Variants in CGNL1 observed in about 807,000 individuals in gnomAD.
The protein encoded by CGNL1 is cingulin like 1.
A neutral mutation model predicts 141.2 loss-of-function variants in CGNL1; 132 were observed. That is an observed-to-expected ratio of 0.93 (90% CI 0.81 to 1.08). CGNL1 has a LOEUF of 1.08. Among genes scored for constraint, CGNL1 ranks in the 50% least tolerant of loss-of-function variants. The probability of loss-of-function intolerance (pLI) is 0.00; values close to 1 mark genes in which losing one functional copy is unlikely to be tolerated. For missense variants in CGNL1, 1,870 were observed against 1,588.6 expected (o/e 1.18, Z -3.01); for synonymous variants, 690 against 622.1 (o/e 1.11, Z -1.63).
chr15:57,527,996 T>C (rs559134672), intron 12 of CGNL1, among the ~76,000 whole-genome samples: 1 of 152,374 alleles, frequency 6.6e-6, no homozygotes, highest in African/African-American at 2.4e-5. Flanking sequence ...CGGTGGCTCA[T>C]GCCTGCAATC....
chr15:57,417,993 G>C (rs1383176245), intron 1 of CGNL1, among the ~76,000 whole-genome samples: 1 of 152,112 alleles, frequency 6.6e-6, no homozygotes, highest in Non-Finnish European at 1.5e-5. Flanking sequence ...GGTGGAGGTG[G>C]CTTGAGCCTT....
intron 1 of CGNL1, among the ~76,000 whole-genome samples, chr15:57,419,283 G>A (rs143175492): frequency 2.3e-3 from 346 of 152,230 alleles, no homozygotes; most frequent in African/African-American, 8.0e-3. Flanking sequence ...AATAGCTTTA[G>A]ACTGATAAGG....
chr15:57,545,173 C>T (rs1168246491), intron 16 of CGNL1, among the ~76,000 whole-genome samples: 1 of 152,240 alleles, frequency 6.6e-6, no homozygotes, highest in Non-Finnish European at 1.5e-5. Context: ...TTCTGACTCA[C>T]AGCCCCTCAC....
intron 1 of CGNL1, among the ~76,000 whole-genome samples, chr15:57,377,983 AT>A (rs2152207649): frequency 6.6e-6 from 1 of 152,298 alleles, no homozygotes; most frequent in East Asian, 1.9e-4. Context: ...TTTGTGGTTG[AT>A]ATTTGTGTTA....
In CGNL1 at chr15:57,439,385, C is replaced by G; in HGVS notation, c.1386C>G (p.Pro462=). The G allele has an allele frequency of 6.2e-7, 1 of 1,614,190 alleles. No individual in the cohort carries two copies. The highest frequency in any genetic ancestry group is 8.5e-7 in the Non-Finnish European group (1 of 1,180,034). ...CTTCATGTGCCCACTCCAGGCCTCC[C>G]CAGCCGAACATAGATGGGAAAGTTC... The part of the protein sequence containing the change: ...HGASCAHSRP[P]QPNIDGKVLE... The change falls in exon 2 of 19, where the codon CCC becomes CCG. Residue 462 remains proline, a synonymous_variant. Coordinates refer to ENST00000281282, the MANE Select transcript of CGNL1 (RefSeq NM_032866.5).
rs147580043 is a variant in CGNL1 at position 57,392,648 on chromosome 15, C to A, written c.-16+16081C>A. Among the ~76,000 whole-genome samples the A allele has an allele frequency of 4.0e-3, 614 of 152,326 alleles. 2 individuals are homozygous for A. The highest frequency in any genetic ancestry group is 0.014 in the African/African-American group (587 of 41,572). ...CAGTGTAAGTATGAGACCTTCTGTT[C>A]ATCATCTGTCTCCTACTGAAGGCTA... On this transcript the variant is annotated intron_variant, in intron 1 of 18. Coordinates refer to ENST00000281282, the MANE Select transcript of CGNL1 (RefSeq NM_032866.5).
intron 8 of CGNL1, among the ~76,000 whole-genome samples, chr15:57,501,201 G>A (rs1310726669): frequency 1.3e-5 from 2 of 152,190 alleles, no homozygotes; most frequent in Non-Finnish European, 2.9e-5. Context: ...TCAGCCTGTG[G>A]GCTCTCAACT....
chr15:57,420,732 T>A (rs1160957192), intron 1 of CGNL1, among the ~76,000 whole-genome samples: 12 of 152,254 alleles, frequency 7.9e-5, no homozygotes, highest in Admixed American at 7.9e-4. Context: ...ATATAATTTT[T>A]AATGCAGTTA....
chr15:57,515,370 T>A (rs1169333230), intron 8 of CGNL1, among the ~76,000 whole-genome samples: 1 of 152,230 alleles, frequency 6.6e-6, no homozygotes, highest in Non-Finnish European at 1.5e-5. Context: ...TTCAGGATAA[T>A]AAGCTTACTG....
chr15:57,453,562 G>A (rs1465625474), intron 6 of CGNL1, 121 bp from the exon 7 acceptor site: 2 of 1,301,990 alleles, frequency 1.5e-6, no homozygotes, highest in Non-Finnish European at 2.1e-6. Context: ...GCAGAACAGA[G>A]AATGGGGAGG....
intron 1 of CGNL1, among the ~76,000 whole-genome samples, chr15:57,417,691 C>A (rs2062864782): frequency 6.6e-6 from 1 of 150,814 alleles, no homozygotes; most frequent in Admixed American, 6.6e-5. Context: ...AATTCATAAG[C>A]AATTGCATTA....
intron 1 of CGNL1, among the ~76,000 whole-genome samples, chr15:57,384,420 C>T (rs114119339): frequency 7.3e-4 from 111 of 152,224 alleles, no homozygotes; most frequent in African/African-American, 2.3e-3. Flanking sequence ...AACAAGGCCA[C>T]GGGAAATTGG....
At chr15:57,394,341 T>C (rs2062579156) in intron 1 of CGNL1, among the ~76,000 whole-genome samples, 1 of 152,054 alleles carries the variant, frequency 6.6e-6, no homozygotes, top group Non-Finnish European at 1.5e-5. Flanking sequence ...GTCAGGCTGC[T>C]CTCGAACTCC....
chr15:57,481,068 T>G (rs1024357817), intron 8 of CGNL1, among the ~76,000 whole-genome samples: 4 of 150,704 alleles, frequency 2.7e-5, no homozygotes, highest in Admixed American at 1.3e-4. Context: ...CCTGGGGTTT[T>G]TTTTTTTTTT....
chr15:57,473,193 CA>C (rs1431620465), intron 8 of CGNL1, among the ~76,000 whole-genome samples: 1 of 152,142 alleles, frequency 6.6e-6, no homozygotes, highest in Non-Finnish European at 1.5e-5. Flanking sequence ...GAATCCTTAA[CA>C]TCTAAAGGAA....
intron 1 of CGNL1, among the ~76,000 whole-genome samples, chr15:57,404,539 A>G (rs927381649): frequency 2.6e-5 from 4 of 152,246 alleles, no homozygotes; most frequent in African/African-American, 9.6e-5. Context: ...GTGCATTTTC[A>G]CATAAAAATG....
chr15:57,523,195 A>G (rs1184439022), intron 10 of CGNL1, among the ~76,000 whole-genome samples: 6 of 152,204 alleles, frequency 3.9e-5, no homozygotes, highest in South Asian at 4.1e-4. Flanking sequence ...TTCAGACACC[A>G]TCCTGAATTC....
chr15:57,476,926 C>T (rs2063664169), intron 8 of CGNL1, among the ~76,000 whole-genome samples: 1 of 152,182 alleles, frequency 6.6e-6, no homozygotes, highest in Non-Finnish European at 1.5e-5. Context: ...CAAAGTCATG[C>T]ACGGGCCTTA....
At position 57,437,361 on chromosome 15, in the gene CGNL1, C is replaced by G. The variant is rs2063117357; in HGVS notation, c.-15-624C>G. ...TGTCAGTCTCACAAACAACTGATTC[C>G]TTATGGTAAAAGTGTTGGAAACATT... is the stretch of plus-strand genomic sequence containing the variant. On this transcript the variant is annotated intron_variant, in intron 1 of 18. Coordinates refer to ENST00000281282, the MANE Select transcript of CGNL1 (RefSeq NM_032866.5). Among the ~76,000 whole-genome samples, 3 of 152,012 alleles carry G rather than the reference C, an allele frequency of 2.0e-5. No individual in the cohort carries two copies. In the South Asian group the frequency reaches 6.2e-4, roughly 32 times the overall value.
Sources: allele counts gnomAD v4.1 joint callset (sites outside exome capture counted in the v4.1 genomes callset), GRCh38; gene constraint gnomAD v4.1.1; transcripts MANE v1.5; gene names NCBI Gene and HGNC (gene_info 2026-07-23, HGNC 2026-07-21).